HMGN5: variants seen among roughly 807,000 people sequenced by gnomAD.
HMGN5 encodes high mobility group nucleosome-binding domain-containing protein 5.
HMGN5 carries 4 observed loss-of-function variants against 9.5 expected under a neutral mutation model. The ratio of observed to expected loss-of-function variants is 0.42; its 90% CI spans 0.21 to 0.96. The LOEUF (loss-of-function observed/expected upper bound fraction) is 0.96, where lower values mean the gene tolerates loss of function less well. HMGN5 is among the 40% of genes least tolerant of loss of function. The pLI, the probability that HMGN5 is intolerant of heterozygous loss-of-function variation, is 0.30. For missense variants in HMGN5, 192 were observed against 187.5 expected, an observed-to-expected ratio of 1.02 and a Z score of -0.14; for synonymous variants, 55 against 57.1, an observed-to-expected ratio of 0.96 and a Z score of 0.16.
chrX:81,180,468 G>A (rs375841642), intron 1 of HMGN5, among the ~76,000 whole-genome samples: 96 of 112,242 alleles, frequency 8.6e-4, no homozygotes, highest in South Asian at 2.6e-3. Context: ...ATCACTGGCC[G>A]TCAGAGAAAT....
At chrX:81,117,146 A>G (rs996452916) in intron 5 of HMGN5, among the ~76,000 whole-genome samples, 10 of 111,667 alleles carry the variant, frequency 9.0e-5, no homozygotes, top group Non-Finnish European at 1.5e-4. Flanking sequence ...TAATTTAGAT[A>G]TAAGTTATTA....
chrX:81,163,050 A>G (rs774954965), intron 1 of HMGN5, among the ~76,000 whole-genome samples: 2 of 111,550 alleles, frequency 1.8e-5, no homozygotes, highest in South Asian at 7.6e-4. Context: ...TGTGACTTCC[A>G]AAGCTAGTTT....
At chrX:81,187,905 A>C (rs770362956) in intron 1 of HMGN5, among the ~76,000 whole-genome samples, 7 of 111,370 alleles carry the variant, frequency 6.3e-5, no homozygotes, top group Non-Finnish European at 5.7e-5. Flanking sequence ...TTACAACCTT[A>C]CAAGAGGTTA....
intron 1 of HMGN5, among the ~76,000 whole-genome samples, chrX:81,128,129 G>A (rs1457839765): frequency 9.0e-6 from 1 of 110,563 alleles, no homozygotes; most frequent in Non-Finnish European, 1.9e-5. Flanking sequence ...GTTTTTCAAG[G>A]AATCATTCTT....
chrX:81,126,528 C>A (rs192346163), intron 1 of HMGN5, among the ~76,000 whole-genome samples: 141 of 111,614 alleles, frequency 1.3e-3, no homozygotes, highest in African/African-American at 4.6e-3. Flanking sequence ...AGTTTTTAAT[C>A]TTGAACGTCC....
At chrX:81,142,427 C>T (rs2075332274) in intron 1 of HMGN5, among the ~76,000 whole-genome samples, 1 of 111,487 alleles carries the variant, frequency 9.0e-6, no homozygotes, top group South Asian at 3.8e-4. Context: ...TAGTCAAACT[C>T]CCAAATACAA....
At chrX:81,125,956 T>C in intron 1 of HMGN5, among the ~76,000 whole-genome samples, 1 of 110,188 alleles carries the variant, frequency 9.1e-6, no homozygotes, top group Non-Finnish European at 1.9e-5. Context: ...GAGATCAACA[T>C]GGCCAACATG....
chrX:81,154,887 T>C (rs1279866307), intron 1 of HMGN5, among the ~76,000 whole-genome samples: 1 of 108,260 alleles, frequency 9.2e-6, no homozygotes, highest in Non-Finnish European at 1.9e-5. Flanking sequence ...CTGGTGAGGA[T>C]GTAAAGAAAA....
chrX:81,140,287 G>A (rs899920217), intron 1 of HMGN5, among the ~76,000 whole-genome samples: 1 of 111,400 alleles, frequency 9.0e-6, no homozygotes, highest in Non-Finnish European at 1.9e-5. Context: ...AGGGCCGCGT[G>A]CGGTGACTCA....
At position 81,141,185 on chromosome X, in the gene HMGN5, G is replaced by T. The variant is rs181349384; in HGVS notation, c.-123-19513C>A. 1.3e-4 allele frequency among the ~76,000 whole-genome samples: 15 copies of T among 111,741 alleles called. No individual in the cohort carries two copies. In the Admixed American group the frequency reaches 1.4e-3, roughly 11 times the overall value. On this transcript the variant is annotated intron_variant, in intron 1 of 6. Coordinates refer to ENST00000358130, the MANE Select transcript of HMGN5 (RefSeq NM_030763.3). ...TAGGCTTCCATGGTTTTTGAATCTA[G>T]TCCCTGACTCCCAGATAGCACCTCT...
In HMGN5 at chrX:81,115,090, A is replaced by ATCTTCTTCATCTTCTTTCTGATCT. The variant is rs778897627; in HGVS notation, c.384_407dup (p.Glu128_Glu135dup). Reference sequence around the variant, plus strand: ...CAGCTTCCCCTTTCTCTTCGTTTTGATCTTCTTCATCTTCTTTCTGATCTT... The same window carrying ATCTTCTTCATCTTCTTTCTGATCT: ...CAGCTTCCCCTTTCTCTTCGTTTTGATCTTCTTCATCTTCTTTCTGATCTTCTTCTTCATCTTCTTTCTGATCTT... On this transcript the variant is annotated inframe_insertion, in exon 7 of 7. Coordinates refer to ENST00000358130, the MANE Select transcript of HMGN5 (RefSeq NM_030763.3). 1.2e-5 allele frequency: 14 copies of ATCTTCTTCATCTTCTTTCTGATCT among 1,135,812 alleles called. No homozygotes were observed. The East Asian group carries it at 4.7e-4, about 38-fold the overall frequency. The allele number at this position is 1,135,812 out of a possible 1,213,427, so 93.6% of individuals were successfully genotyped here. A position where few individuals can be genotyped will look rare whatever the true frequency, so the allele number is the denominator to read the frequency against.
At chrX:81,125,691 G>T (rs751260418) in intron 1 of HMGN5, among the ~76,000 whole-genome samples, 1 of 111,632 alleles carries the variant, frequency 9.0e-6, no homozygotes, top group Non-Finnish European at 1.9e-5. Flanking sequence ...AATTTCTACC[G>T]ACTTTTAAAG....
In HMGN5 at chrX:81,118,418, C is replaced by T. The variant is rs201525186; in HGVS notation, c.129+14G>A. The T allele has an allele frequency of 8.8e-5, 97 of 1,096,971 alleles. 1 individual carries two copies. The East Asian group carries it at 2.8e-3, about 31-fold the overall frequency. The allele number at this position is 1,096,971 out of a possible 1,213,427, so 90.4% of individuals were successfully genotyped here. ...AAAGCAAATTTATTTCAATATTCTACGTTGAATATTTACCCTTGAACTTGA... is the reference window on the plus strand; with the variant it reads ...AAAGCAAATTTATTTCAATATTCTATGTTGAATATTTACCCTTGAACTTGA... On this transcript the variant is annotated intron_variant, in intron 5 of 6. Transcript: ENST00000358130.
intron 1 of HMGN5, among the ~76,000 whole-genome samples, chrX:81,159,089 T>C (rs1178693929): frequency 9.0e-6 from 1 of 111,516 alleles, no homozygotes; most frequent in Non-Finnish European, 1.9e-5. Context: ...TGCTGGGACA[T>C]GGATAGAGCT....
chrX:81,118,179 T>A (rs1373369397), intron 5 of HMGN5, among the ~76,000 whole-genome samples: 1 of 111,184 alleles, frequency 9.0e-6, no homozygotes, highest in East Asian at 2.8e-4. Context: ...CAAAGGCATG[T>A]ACATTTAATG....
intron 1 of HMGN5, among the ~76,000 whole-genome samples, chrX:81,147,364 T>G (rs1269218429): frequency 5.4e-5 from 6 of 111,719 alleles, no homozygotes; most frequent in Non-Finnish European, 1.1e-4. Flanking sequence ...ATAAACATAA[T>G]CCATCACATA....
chrX:81,151,535 G>A (rs747511839), intron 1 of HMGN5, among the ~76,000 whole-genome samples: 1 of 109,721 alleles, frequency 9.1e-6, no homozygotes, highest in Admixed American at 9.8e-5. Flanking sequence ...AAATTACCTT[G>A]GGCAGTATGG....
rs1237708089 is a variant in HMGN5 at position 81,155,037 on chromosome X, G to A, written c.-123-33365C>T. 5.0e-5 allele frequency among the ~76,000 whole-genome samples: 5 copies of A among 99,197 alleles called. 1 individual carries two copies. Among genetic ancestry groups the A allele is most frequent in the Non-Finnish European group, 1.0e-4 (5 of 50,046 alleles). The allele number at this position is 99,197 out of a possible 115,157, so 86.1% of individuals were successfully genotyped here. A position where few individuals can be genotyped will look rare whatever the true frequency, so the allele number is the denominator to read the frequency against. On this transcript the variant is annotated intron_variant, in intron 1 of 6. Coordinates refer to ENST00000358130, the MANE Select transcript of HMGN5 (RefSeq NM_030763.3). ...AGTATGATCCAGCAATCCCACTGCC[G>A]GGTATATGCCTAAAAGAAAGGATAT...
intron 1 of HMGN5, among the ~76,000 whole-genome samples, chrX:81,194,824 G>A (rs1342627401): frequency 8.9e-6 from 1 of 112,022 alleles, no homozygotes; most frequent in Non-Finnish European, 1.9e-5. Context: ...TTTATAATGG[G>A]TAATTATTAG....
Sources: gnomAD v4.1 joint callset for allele counts (sites outside exome capture counted in the v4.1 genomes callset) on GRCh38, gnomAD v4.1.1 for gene constraint, MANE v1.5 for transcripts, NCBI Gene and HGNC (gene_info 2026-07-23, HGNC 2026-07-21) for gene names.